Variants in PLD5 observed in about 807,000 individuals in gnomAD.
PLD5 encodes inactive phospholipase D5.
A neutral mutation model predicts 61.1 loss-of-function variants in PLD5; 36 were observed. The ratio of observed to expected loss-of-function variants is 0.59; its 90% CI spans 0.45 to 0.78. The LOEUF is 0.78. Among genes scored for constraint, PLD5 ranks in the 30% least tolerant of loss-of-function variants. PLD5 has a pLI of 0.00. For missense variants in PLD5, 515 were observed against 644.4 expected (o/e 0.80, Z 2.17); for synonymous variants, 243 against 242.8 (o/e 1.00, Z -0.01).
intron 2 of PLD5, among the ~76,000 whole-genome samples, chr1:242,315,075 C>T (rs989829478): frequency 4.6e-5 from 7 of 152,216 alleles, no homozygotes; most frequent in African/African-American, 1.7e-4. Context: ...CACAGCCAGA[C>T]TTGCCCCACT....
intron 1 of PLD5, among the ~76,000 whole-genome samples, chr1:242,433,659 T>A (rs1341478496): frequency 6.6e-6 from 1 of 152,192 alleles, no homozygotes; most frequent in Non-Finnish European, 1.5e-5. Flanking sequence ...GTAGAGGGGA[T>A]CACAGGACAA....
At chr1:242,238,098 T>C (rs915446117) in intron 4 of PLD5, among the ~76,000 whole-genome samples, 4 of 152,150 alleles carry the variant, frequency 2.6e-5, no homozygotes, top group African/African-American at 9.7e-5. Context: ...GTGGTTTCTG[T>C]CTTCTGATTG....
intron 2 of PLD5, among the ~76,000 whole-genome samples, chr1:242,291,201 A>G (rs1208521777): frequency 6.6e-6 from 1 of 151,958 alleles, no homozygotes; most frequent in East Asian, 1.9e-4. Context: ...TAAAGTTCCA[A>G]TCAAAACTTC....
At chr1:242,153,326 T>C (rs1311963153) in intron 5 of PLD5, among the ~76,000 whole-genome samples, 1 of 152,218 alleles carries the variant, frequency 6.6e-6, no homozygotes, top group African/African-American at 2.4e-5. Context: ...TGATAGTTTC[T>C]TTTGCTGTGC....
chr1:242,458,732 GTTAA>G (rs754957977), intron 1 of PLD5, among the ~76,000 whole-genome samples: 10 of 151,968 alleles, frequency 6.6e-5, no homozygotes, highest in Non-Finnish European at 1.5e-4. Flanking sequence ...AATTACCTGT[GTTAA>G]TTGTTACTTG....
intron 1 of PLD5, among the ~76,000 whole-genome samples, chr1:242,380,442 A>G: frequency 6.6e-6 from 1 of 152,184 alleles, no homozygotes; most frequent in Non-Finnish European, 1.5e-5. Context: ...TCTGTAATGG[A>G]AAATATTATT....
At chr1:242,415,096 C>A (rs773259318) in intron 1 of PLD5, among the ~76,000 whole-genome samples, 1 of 152,134 alleles carries the variant, frequency 6.6e-6, no homozygotes, top group African/African-American at 2.4e-5. Context: ...AAAAGTTTAG[C>A]GACACACTGT....
intron 4 of PLD5, among the ~76,000 whole-genome samples, chr1:242,233,154 AAATG>A (rs55916345): frequency 0.017 from 2,611 of 149,944 alleles, 33 homozygotes; most frequent in African/African-American, 0.036. Flanking sequence ...ATTCTGACTC[AAATG>A]AATGAATGAA....
chr1:242,165,435 G>C (rs1489331000), intron 5 of PLD5, among the ~76,000 whole-genome samples: 1 of 144,486 alleles, frequency 6.9e-6, no homozygotes, highest in Non-Finnish European at 1.5e-5. Context: ...TAAATAGGTT[G>C]TGTGTGGCTT....
At chr1:242,392,158 A>C (rs1481900973) in intron 1 of PLD5, among the ~76,000 whole-genome samples, 1 of 152,226 alleles carries the variant, frequency 6.6e-6, no homozygotes, top group Non-Finnish European at 1.5e-5. Flanking sequence ...GCAAAGGAAC[A>C]ACCAACCAAA....
chr1:242,092,016 C>T (rs1281401131), intron 9 of PLD5, among the ~76,000 whole-genome samples: 5 of 151,736 alleles, frequency 3.3e-5, no homozygotes, highest in African/African-American at 7.3e-5. Flanking sequence ...TTAGTAGAGA[C>T]GGGGTTTCAC....
chr1:242,352,909 G>T lies in PLD5; in HGVS notation c.190-4667C>A, dbSNP rs181155343. Among the ~76,000 whole-genome samples the T allele has an allele frequency of 3.1e-4, 47 of 152,246 alleles. No individual in the cohort carries two copies. In the East Asian group the frequency reaches 4.8e-3, roughly 16 times the overall value. On this transcript the variant is annotated intron_variant, in intron 1 of 9. Coordinates refer to ENST00000536534, the MANE Select transcript of PLD5 (RefSeq NM_001372062.1). ...GATTACTAGTTTTTCTTCCCATAGA[G>T]TTGAGTTTCTTGTATAGTTTGGATA... is the stretch of plus-strand genomic sequence containing the variant.
chr1:242,194,915 T>C (rs913707200), intron 5 of PLD5, among the ~76,000 whole-genome samples: 1 of 151,988 alleles, frequency 6.6e-6, no homozygotes, highest in African/African-American at 2.4e-5. Context: ...AGACTACAAA[T>C]TGGGTTCAGT....
chr1:242,317,359 T>C (rs1401972055), intron 2 of PLD5, among the ~76,000 whole-genome samples: 1 of 152,240 alleles, frequency 6.6e-6, no homozygotes, highest in African/African-American at 2.4e-5. Flanking sequence ...TCTTTGCTGT[T>C]GTGAATGAAC....
At chr1:242,147,430 G>A (rs927134430) in intron 5 of PLD5, 5 of 152,180 alleles carry the variant, frequency 3.3e-5, no homozygotes, top group Non-Finnish European at 7.3e-5. Context: ...AAACATTTGG[G>A]TAGTTTTTAG....
chr1:242,432,497 A>G (rs1357856316), intron 1 of PLD5, among the ~76,000 whole-genome samples: 3 of 152,182 alleles, frequency 2.0e-5, no homozygotes, highest in African/African-American at 4.8e-5. Context: ...ATGCTCATAA[A>G]TGGAAGGTGT....
At chr1:242,312,265 C>A (rs980053812) in intron 2 of PLD5, among the ~76,000 whole-genome samples, 1 of 150,510 alleles carries the variant, frequency 6.6e-6, no homozygotes, top group African/African-American at 2.4e-5. Flanking sequence ...GTCTTGCGAT[C>A]TTTTGTTGAA....
chr1:242,301,709 G>A (rs1015900916), intron 2 of PLD5, among the ~76,000 whole-genome samples: 5 of 151,848 alleles, frequency 3.3e-5, no homozygotes, highest in Non-Finnish European at 1.5e-5. Context: ...GACTGCAACA[G>A]TTGTAACACT....
rs528474135 is a variant in PLD5, at chr1:242,498,199, G to A, written c.189+25889C>T. On this transcript the variant is annotated intron_variant, in intron 1 of 9. Coordinates refer to ENST00000536534, the MANE Select transcript of PLD5 (RefSeq NM_001372062.1). Reference sequence around the variant, plus strand: ...AGGCTAGCCTCGAACTCCTGACCTCGTGATCCGCCCACCTTGGCCTCCCGA... The same window carrying A: ...AGGCTAGCCTCGAACTCCTGACCTCATGATCCGCCCACCTTGGCCTCCCGA... Among the ~76,000 whole-genome samples, 162 of 152,252 alleles carry A rather than the reference G, an allele frequency of 1.1e-3. 1 individual carries two copies. Among genetic ancestry groups the A allele is most frequent in the Non-Finnish European group, 1.9e-3 (127 of 68,004 alleles).
Sources: allele counts gnomAD v4.1 joint callset (sites outside exome capture counted in the v4.1 genomes callset), GRCh38; gene constraint gnomAD v4.1.1; transcripts MANE v1.5; gene names NCBI Gene and HGNC (gene_info 2026-07-23, HGNC 2026-07-21).